Variants in PHF10 observed in about 807,000 individuals in gnomAD.
PHF10 encodes PHD finger protein 10.
Under a neutral mutation model 68.5 loss-of-function variants are expected in PHF10, and 51 were observed. The ratio of observed to expected loss-of-function variants is 0.74; its 90% CI spans 0.59 to 0.94. The LOEUF is 0.94. Ranked by LOEUF, PHF10 falls within the 40% of genes least tolerant of loss-of-function variation. PHF10 has a pLI of 0.00. For missense variants in PHF10, 460 were observed against 602.6 expected (o/e 0.76, Z 2.48); for synonymous variants, 204 against 203.5 (o/e 1.00, Z -0.02).
At position 169,724,106 on chromosome 6, in the gene PHF10, C is replaced by A. The variant is rs1355591250; in HGVS notation, c.-175G>T. Reference sequence around the variant, plus strand: ...CCCTGCCGCCGCGCGCCCCGCGGCCCGCCAGCGCCGCCGCCACCGCCATGG... The same window carrying A: ...CCCTGCCGCCGCGCGCCCCGCGGCCAGCCAGCGCCGCCGCCACCGCCATGG... On this transcript the variant is annotated 5_prime_UTR_variant, in exon 1 of 12. Transcript: ENST00000339209. The A allele has an allele frequency of 1.4e-5, 2 of 143,562 alleles. No individual in the cohort carries two copies. The highest frequency in any genetic ancestry group is 2.5e-5 in the African/African-American group (1 of 40,088). The allele number at this position is 143,562 out of a possible 1,614,324, so 8.9% of individuals were successfully genotyped here.
Position 169,717,881 on chromosome 6 carries a change from G to A in PHF10, c.351C>T (p.His117=). ...GCTCTCTCAGGTAGAGTTTCTCCTT[G>A]TGAGACAAATCTCGTCGCTCTAAAT... ...YPDLERRDLS[H]KEKLYLRELN... The change falls in exon 4 of 12, where the codon CAC becomes CAT. Residue 117 remains histidine (H), a synonymous_variant. Coordinates refer to ENST00000339209, the MANE Select transcript of PHF10 (RefSeq NM_018288.4). 1.9e-6 allele frequency: 3 copies of A among 1,564,724 alleles called. No individual in the cohort carries two copies. Among genetic ancestry groups the A allele is most frequent in the Non-Finnish European group, 2.6e-6 (3 of 1,141,452 alleles).
At position 169,720,036 on chromosome 6, in the gene PHF10, T is replaced by C. The variant is rs180735797; in HGVS notation, c.194+969A>G. Among the ~76,000 whole-genome samples the C allele has an allele frequency of 2.6e-3, 397 of 151,942 alleles. 2 individuals carry two copies. The highest frequency in any genetic ancestry group is 9.2e-3 in the African/African-American group (382 of 41,424). On this transcript the variant is annotated intron_variant, in intron 2 of 11. Coordinates refer to ENST00000339209, the MANE Select transcript of PHF10 (RefSeq NM_018288.4). Reference sequence around the variant, plus strand: ...AATAGACATGTCTCCAAAGAAGCTATACAAATGGCCAAGCAGATGAAAAGA... The same window carrying C: ...AATAGACATGTCTCCAAAGAAGCTACACAAATGGCCAAGCAGATGAAAAGA...
At chr6:169,713,363 C>T (rs1788969351) in intron 7 of PHF10, among the ~76,000 whole-genome samples, 1 of 152,144 alleles carries the variant, frequency 6.6e-6, no homozygotes, top group South Asian at 2.1e-4. Context: ...TTTCGGGAGG[C>T]CAAGGTGGGC....
At chr6:169,709,085 GA>G (rs1788871395) in intron 9 of PHF10, 1 of 150,588 alleles carries the variant, frequency 6.6e-6, no homozygotes, top group Non-Finnish European at 1.5e-5. Flanking sequence ...AAAAAAAAAA[GA>G]ATTTTTAAGT....
intron 7 of PHF10, 31 bp downstream of exon 7, chr6:169,714,702 G>C: frequency 6.3e-6 from 7 of 1,106,128 alleles, no homozygotes; most frequent in Non-Finnish European, 9.8e-6. Flanking sequence ...ACCAATAGCC[G>C]ATACCAACTG....
At chr6:169,710,157 A>C in intron 9 of PHF10, 79 bp downstream of exon 9, 1 of 1,083,958 alleles carries the variant, frequency 9.2e-7, no homozygotes, top group Non-Finnish European at 1.3e-6. Flanking sequence ...GAAGCTCCAC[A>C]ATCGTGAAAG....
chr6:169,712,621 T>A, intron 7 of PHF10, 82 bp from the exon 8 acceptor site: 2 of 1,226,064 alleles, frequency 1.6e-6, no homozygotes, highest in Non-Finnish European at 2.3e-6. Context: ...AAGATAGCCT[T>A]AAACTTCTTG....
At chr6:169,707,063 AGT>A (rs1562984794) in intron 9 of PHF10, 1 of 152,214 alleles carries the variant, frequency 6.6e-6, no homozygotes, top group Non-Finnish European at 1.5e-5. Context: ...ATTTAAAAAA[AGT>A]CAACCTTATA....
chr6:169,711,721 GA>G (rs1352943295), intron 8 of PHF10, among the ~76,000 whole-genome samples: 2 of 152,140 alleles, frequency 1.3e-5, no homozygotes, highest in Non-Finnish European at 2.9e-5. Flanking sequence ...TGGTGACAAG[GA>G]AATAATGTCC....
intron 11 of PHF10, chr6:169,704,571 T>A (rs1788705754): frequency 5.9e-6 from 1 of 170,398 alleles, no homozygotes; most frequent in South Asian, 2.0e-4. Context: ...AGAAAAATAA[T>A]TATGTTGCTT....
In PHF10 at chr6:169,715,936, A is replaced by G; in HGVS notation, c.543+19T>C. The G allele has an allele frequency of 6.3e-7, 1 of 1,597,798 alleles. No homozygotes were observed. The highest frequency in any genetic ancestry group is 8.5e-7 in the Non-Finnish European group (1 of 1,171,570). On this transcript the variant is annotated intron_variant, in intron 5 of 11. Transcript: ENST00000339209. The stretch of plus-strand genomic sequence containing the variant: ...TTCCCCAACCCAAATAAAAAATGCC[A>G]GTCACCTCAATTACTTACGGAATAC...
At position 169,718,927 on chromosome 6, in the gene PHF10, A is replaced by G. The variant is rs749873800; in HGVS notation, c.195-9T>C. On this transcript the variant is annotated splice_polypyrimidine_tract_variant and intron_variant, in intron 2 of 11. Transcript: ENST00000339209. ...CTGGATAGTAACTAAAACTAAGTAC[A>G]GAAATACATATTATGCATTAAATGT... 2.6e-6 allele frequency: 4 copies of G among 1,525,378 alleles called. No individual in the cohort carries two copies. The highest frequency in any genetic ancestry group is 2.3e-5 in the East Asian group (1 of 44,278). 94.5% of individuals were successfully genotyped at this position (1,525,378 alleles called of 1,614,324 possible).
chr6:169,721,246 G>A (rs1382035492), intron 1 of PHF10, 135 bp from the exon 2 acceptor site: 4 of 547,638 alleles, frequency 7.3e-6, no homozygotes, highest in East Asian at 5.8e-5. Context: ...AAGGGTCCAA[G>A]AGTTTGGCAT....
Position 169,724,430 on chromosome 6 carries a change from C to CCGCT in PHF10, c.-503_-500dup, listed in dbSNP as rs1199188604. ...AGCCCCGCCGCTCGCCTCAGCCCCG[C>CCGCT]CGCTCCCCTCAGCCCCGCGGCCGCC... is the stretch of plus-strand genomic sequence containing the variant. On this transcript the variant is annotated 5_prime_UTR_variant, in exon 1 of 12. Transcript: ENST00000339209. 6.9e-5 allele frequency among the ~76,000 whole-genome samples: 10 copies of CCGCT among 144,582 alleles called. No individual in the cohort carries two copies. Among genetic ancestry groups the CCGCT allele is most frequent in the Non-Finnish European group, 1.5e-4 (10 of 65,222 alleles). 94.9% of individuals were successfully genotyped at this position (144,582 alleles called of 152,430 possible).
chr6:169,714,923 A>G lies in PHF10; in HGVS notation c.694-81T>C, dbSNP rs866942325. 54 of 776,722 alleles carry G rather than the reference A, an allele frequency of 7.0e-5. No individual in the cohort carries two copies. The African/African-American group carries it at 8.2e-4, about 12-fold the overall frequency. The allele number at this position is 776,722 out of a possible 1,614,324, so 48.1% of individuals were successfully genotyped here. ...TAGGAAGAGTCCCCACGTGCTCACC[A>G]CTGCACGCCCACTTCCCCCTCGAAA... On this transcript the variant is annotated intron_variant, in intron 6 of 11. Transcript: ENST00000339209.
intron 2 of PHF10, among the ~76,000 whole-genome samples, chr6:169,720,226 T>C (rs1365649104): frequency 6.6e-6 from 1 of 152,128 alleles, no homozygotes; most frequent in Non-Finnish European, 1.5e-5. Context: ...TGTAAATTGG[T>C]GTGCAGCCCC....
Position 169,724,428 on chromosome 6 carries a change from C to G in PHF10, c.-497G>C, listed in dbSNP as rs1156321742. On this transcript the variant is annotated 5_prime_UTR_variant, in exon 1 of 12. Transcript: ENST00000339209. ...TCAGCCCCGCCGCTCGCCTCAGCCCCGCCGCTCCCCTCAGCCCCGCGGCCG... is the reference window on the plus strand; with the variant it reads ...TCAGCCCCGCCGCTCGCCTCAGCCCGGCCGCTCCCCTCAGCCCCGCGGCCG... 1.4e-5 allele frequency among the ~76,000 whole-genome samples: 2 copies of G among 144,766 alleles called. No homozygotes were observed. The highest frequency in any genetic ancestry group is 3.1e-5 in the Non-Finnish European group (2 of 65,448). 95.0% of individuals were successfully genotyped at this position (144,766 alleles called of 152,430 possible).
At chr6:169,711,332 T>C (rs1260154202) in intron 8 of PHF10, among the ~76,000 whole-genome samples, 1 of 152,224 alleles carries the variant, frequency 6.6e-6, no homozygotes, top group African/African-American at 2.4e-5. Flanking sequence ...AAATGTAATA[T>C]AATATTACCC....
intron 1 of PHF10, among the ~76,000 whole-genome samples, chr6:169,723,556 C>T (rs1184812998): frequency 2.6e-5 from 4 of 152,200 alleles, no homozygotes; most frequent in African/African-American, 4.8e-5. Flanking sequence ...TTCCGTCCCA[C>T]GGCTGGCCTA....
Sources: gnomAD v4.1 joint callset for allele counts (sites outside exome capture counted in the v4.1 genomes callset) on GRCh38, gnomAD v4.1.1 for gene constraint, MANE v1.5 for transcripts, NCBI Gene and HGNC (gene_info 2026-07-23, HGNC 2026-07-21) for gene names.